The following PTPRE variants were observed in gnomAD, a reference collection of about 807,000 sequenced individuals.
The protein encoded by PTPRE is protein tyrosine phosphatase receptor type E.
Under a neutral mutation model 102.0 loss-of-function variants are expected in PTPRE, and 51 were observed. The ratio of observed to expected loss-of-function variants is 0.50; its 90% CI spans 0.40 to 0.63. PTPRE has a LOEUF of 0.63. Ranked by LOEUF, PTPRE falls within the 30% of genes least tolerant of loss-of-function variation. PTPRE has a pLI of 0.00. For synonymous variants in PTPRE, 345 were observed against 348.2 expected, an observed-to-expected ratio of 0.99 and a Z score of 0.10; for missense variants, 752 against 915.1, an observed-to-expected ratio of 0.82 and a Z score of 2.30.
At chr10:127,937,795 G>A (rs935068167) in intron 1 of PTPRE, among the ~76,000 whole-genome samples, 3 of 152,172 alleles carry the variant, frequency 2.0e-5, no homozygotes, top group Non-Finnish European at 4.4e-5. Flanking sequence ...GGAGGCTGAG[G>A]TTGCAGTGAG....
At position 128,067,239 on chromosome 10, in the gene PTPRE, C is replaced by G. The variant is rs10829322; in HGVS notation, c.844-884C>G. Among the ~76,000 whole-genome samples, 3 of 148,348 alleles carry G rather than the reference C, an allele frequency of 2.0e-5. No individual in the cohort carries two copies. In the East Asian group the frequency reaches 6.1e-4, roughly 30 times the overall value. Reference sequence around the variant, plus strand: ...ATTCACATGCACACACATGCACACACGCACACACATTCATGCACATGCATA... The same window carrying G: ...ATTCACATGCACACACATGCACACAGGCACACACATTCATGCACATGCATA... On this transcript the variant is annotated intron_variant, in intron 11 of 20. Coordinates refer to ENST00000254667, the MANE Select transcript of PTPRE (RefSeq NM_006504.6).
Position 128,070,550 on chromosome 10 carries a change from C to T in PTPRE, c.1293+100C>T, listed in dbSNP as rs1347403698. ...AGGAAGCCTCTTTCAATCACTTGCC[C>T]CTTAACTGACCTCAGAAAAAGCAGG... On this transcript the variant is annotated intron_variant, in intron 14 of 20. Coordinates refer to ENST00000254667, the MANE Select transcript of PTPRE (RefSeq NM_006504.6). The surrounding 1 kb of genome is among the most constrained non-coding windows in gnomAD (Gnocchi z 4.8). The T allele has an allele frequency of 3.5e-6, 5 of 1,420,460 alleles. No homozygotes were observed. In the East Asian group the frequency reaches 1.2e-4, roughly 34 times the overall value. 88.0% of individuals were successfully genotyped at this position (1,420,460 alleles called of 1,614,324 possible).
chr10:127,909,209 C>A (rs1845696255), intron 1 of PTPRE, among the ~76,000 whole-genome samples: 1 of 152,158 alleles, frequency 6.6e-6, no homozygotes, highest in East Asian at 1.9e-4. Context: ...AAACCATTGC[C>A]CCTGAGAGTA....
chr10:128,036,113 T>G (rs969207222), intron 2 of PTPRE, among the ~76,000 whole-genome samples: 3 of 150,826 alleles, frequency 2.0e-5, no homozygotes, highest in African/African-American at 7.4e-5. Context: ...GGAAAATCCC[T>G]TTCCTACCCT....
At chr10:127,959,615 G>T (rs1179726964) in intron 1 of PTPRE, among the ~76,000 whole-genome samples, 1 of 152,226 alleles carries the variant, frequency 6.6e-6, no homozygotes, top group Non-Finnish European at 1.5e-5. Context: ...GAAGTCCATT[G>T]TGGGGAAGAT....
Position 128,070,044 on chromosome 10 carries a change from A to G in PTPRE, c.1143+217A>G. ...TCGTATCCTCATGTGAGATGGGGCA[A>G]TCCTACTCCCCCAAACGGTGCATGT... On this transcript the variant is annotated intron_variant, in intron 13 of 20. Transcript: ENST00000254667. The surrounding 1 kb of genome is among the most constrained non-coding windows in gnomAD (Gnocchi z 4.8). 6 of 728,018 alleles carry G rather than the reference A, an allele frequency of 8.2e-6. No individual in the cohort carries two copies. The highest frequency in any genetic ancestry group is 1.3e-5 in the Non-Finnish European group (6 of 449,370). The allele number at this position is 728,018 out of a possible 1,614,324, so 45.1% of individuals were successfully genotyped here. A position where few individuals can be genotyped will look rare whatever the true frequency, so the allele number is the denominator to read the frequency against.
At chr10:128,020,586 C>T (rs1036691384) in intron 2 of PTPRE, among the ~76,000 whole-genome samples, 1 of 152,198 alleles carries the variant, frequency 6.6e-6, no homozygotes. Context: ...AAAAGAAAAA[C>T]AGCTCGGTTT....
chr10:128,017,003 C>T (rs910471292), intron 2 of PTPRE, among the ~76,000 whole-genome samples: 1 of 152,200 alleles, frequency 6.6e-6, no homozygotes, highest in Non-Finnish European at 1.5e-5. Context: ...AGATGAGGCA[C>T]ATCTTGGAAA....
Position 127,918,310 on chromosome 10 carries a change from T to G in PTPRE, c.-31+11001T>G, listed in dbSNP as rs547756973. Among the ~76,000 whole-genome samples, 4 of 151,876 alleles carry G rather than the reference T, an allele frequency of 2.6e-5. No individual in the cohort carries two copies. The South Asian group carries it at 8.3e-4, about 32-fold the overall frequency. ...GCAGTGGCTCACGCCTGTAATACCATCACTTTTGGAGGCCGAGGTGGCCAG... is the reference window on the plus strand; with the variant it reads ...GCAGTGGCTCACGCCTGTAATACCAGCACTTTTGGAGGCCGAGGTGGCCAG... On this transcript the variant is annotated intron_variant, in intron 1 of 20. Coordinates refer to ENST00000254667, the MANE Select transcript of PTPRE (RefSeq NM_006504.6).
intron 10 of PTPRE, 149 bp downstream of exon 10, chr10:128,063,329 G>A (rs1849779389): frequency 7.1e-7 from 1 of 1,407,252 alleles, no homozygotes; most frequent in Non-Finnish European, 9.4e-7. Context: ...GTGGCTTACA[G>A]CATTTTCTTC....
intron 2 of PTPRE, among the ~76,000 whole-genome samples, chr10:127,993,044 G>T (rs1852845730): frequency 6.6e-6 from 1 of 152,144 alleles, no homozygotes; most frequent in Admixed American, 6.5e-5. Flanking sequence ...GTTTGAAGTT[G>T]CCCCGGTCAC....
intron 1 of PTPRE, among the ~76,000 whole-genome samples, chr10:127,912,165 G>T (rs1169447532): frequency 6.6e-6 from 1 of 152,168 alleles, no homozygotes; most frequent in Non-Finnish European, 1.5e-5. Flanking sequence ...GAGTATTGAT[G>T]TGGTGCCCAG....
At chr10:127,941,122 G>A (rs906804736) in intron 1 of PTPRE, among the ~76,000 whole-genome samples, 4 of 152,222 alleles carry the variant, frequency 2.6e-5, no homozygotes, top group South Asian at 4.1e-4. Context: ...GAAGAGCAGT[G>A]GAGTGAGTCT....
Position 128,004,102 on chromosome 10 carries a change from C to T in PTPRE, c.-8+21806C>T, listed in dbSNP as rs573581394. ...GATTAAATGGGTCAATGATGTGAAGCACTTAGAAAGGGCAAAATGTGCTGC... is the reference window on the plus strand; with the variant it reads ...GATTAAATGGGTCAATGATGTGAAGTACTTAGAAAGGGCAAAATGTGCTGC... On this transcript the variant is annotated intron_variant, in intron 2 of 20. Coordinates refer to ENST00000254667, the MANE Select transcript of PTPRE (RefSeq NM_006504.6). Among the ~76,000 whole-genome samples the T allele has an allele frequency of 2.9e-3, 448 of 151,900 alleles. 6 individuals carry two copies. Among genetic ancestry groups the T allele is most frequent in the African/African-American group, 0.01 (428 of 41,414 alleles).
At chr10:127,994,405 A>G (rs1310811447) in intron 2 of PTPRE, among the ~76,000 whole-genome samples, 1 of 152,190 alleles carries the variant, frequency 6.6e-6, no homozygotes, top group Non-Finnish European at 1.5e-5. Context: ...TCATTAAAGC[A>G]CTTACCAGTA....
At chr10:127,969,689 C>G (rs201974842) in intron 1 of PTPRE, among the ~76,000 whole-genome samples, 60 of 136,826 alleles carry the variant, frequency 4.4e-4, no homozygotes, top group Middle Eastern at 3.8e-3. Context: ...AAAAGGGGGG[C>G]GGGGGGATGA....
chr10:127,907,236 CG>C lies in PTPRE; in HGVS notation c.-102del. The stretch of plus-strand genomic sequence containing the variant: ...GAAGACAGCCGGGCGCCCCGGAGGG[CG>C]GCGGGCAGGCGCCCGGGAGATGCGG... On this transcript the variant is annotated 5_prime_UTR_variant, in exon 1 of 21. Transcript: ENST00000254667. The surrounding 1 kb of genome is among the most constrained non-coding windows in gnomAD (Gnocchi z 4.8). 3 of 983,908 alleles carry C rather than the reference CG, an allele frequency of 3.0e-6. No homozygotes were observed. Among genetic ancestry groups the C allele is most frequent in the Non-Finnish European group, 3.6e-6 (3 of 829,094 alleles). The allele number at this position is 983,908 out of a possible 1,614,324, so 60.9% of individuals were successfully genotyped here. A position where few individuals can be genotyped will look rare whatever the true frequency, so the allele number is the denominator to read the frequency against.
At chr10:128,031,279 C>T (rs905846192) in intron 2 of PTPRE, among the ~76,000 whole-genome samples, 2 of 152,236 alleles carry the variant, frequency 1.3e-5, no homozygotes, top group Non-Finnish European at 2.9e-5. Flanking sequence ...GTGGGCTGTA[C>T]TCAGCGAGGC....
chr10:128,061,766 T>C, intron 9 of PTPRE, 51 bp downstream of exon 9: 2 of 1,554,280 alleles, frequency 1.3e-6, no homozygotes, highest in Non-Finnish European at 1.7e-6. Flanking sequence ...TGAATAGCTC[T>C]TATTTCCTTC....
Sources: allele counts gnomAD v4.1 joint callset (sites outside exome capture counted in the v4.1 genomes callset), GRCh38; gene constraint gnomAD v4.1.1; non-coding constraint Gnocchi (gnomAD v3.1); transcripts MANE v1.5; gene names NCBI Gene and HGNC (gene_info 2026-07-23, HGNC 2026-07-21).